UHRF2: variants seen among roughly 807,000 people sequenced by gnomAD.
UHRF2 encodes E3 ubiquitin-protein ligase UHRF2.
In UHRF2, 23 loss-of-function variants were observed where a neutral mutation model predicts 96.8. The ratio of observed to expected loss-of-function variants is 0.24; its 90% CI spans 0.17 to 0.34. The LOEUF is 0.34. Ranked by LOEUF, UHRF2 falls within the 10% of genes least tolerant of loss-of-function variation. UHRF2 has a pLI of 1.00. For synonymous variants in UHRF2, 385 were observed against 332.6 expected, an observed-to-expected ratio of 1.16 and a Z score of -1.72; for missense variants, 685 against 981.5, an observed-to-expected ratio of 0.70 and a Z score of 4.04.
chr9:6,472,301 A>G (rs1186018659), intron 4 of UHRF2, among the ~76,000 whole-genome samples: 1 of 152,240 alleles, frequency 6.6e-6, no homozygotes, highest in Non-Finnish European at 1.5e-5. Context: ...TTATCTTATG[A>G]AAATAAGCGA....
chr9:6,500,885 A>G (rs1178400017), intron 14 of UHRF2, among the ~76,000 whole-genome samples, 176 bp downstream of exon 14: 1 of 152,202 alleles, frequency 6.6e-6, no homozygotes, highest in Non-Finnish European at 1.5e-5. Context: ...ATGCGCCTAA[A>G]TTTACTTTAA....
chr9:6,478,820 G>A (rs1344055946), intron 6 of UHRF2, among the ~76,000 whole-genome samples: 3 of 152,100 alleles, frequency 2.0e-5, no homozygotes, highest in African/African-American at 7.2e-5. Flanking sequence ...AGAGAAAGGG[G>A]GAAAGGATAT....
At chr9:6,433,387 G>A (rs1428519323) in intron 2 of UHRF2, among the ~76,000 whole-genome samples, 2 of 152,128 alleles carry the variant, frequency 1.3e-5, no homozygotes, top group African/African-American at 4.8e-5. Flanking sequence ...ACTAGTGATC[G>A]AACTTCACCA....
intron 3 of UHRF2, among the ~76,000 whole-genome samples, chr9:6,454,448 G>A (rs972677922): frequency 2.0e-5 from 3 of 152,156 alleles, no homozygotes; most frequent in Admixed American, 6.5e-5. Flanking sequence ...TGGACTTAAG[G>A]CATAGAATGA....
intron 1 of UHRF2, 91 bp downstream of exon 1, chr9:6,413,734 C>T: frequency 1.5e-6 from 2 of 1,322,312 alleles, no homozygotes; most frequent in Non-Finnish European, 9.7e-7. Flanking sequence ...CTGTGCGCCG[C>T]GCGCGCAGGG....
At position 6,433,928 on chromosome 9, in the gene UHRF2, G is replaced by A. The variant is rs1404790349; in HGVS notation, c.399G>A (p.Val133=). The change falls in exon 3 of 16, where the codon GTG becomes GTA. Residue 133 remains valine, a synonymous_variant. Coordinates refer to ENST00000276893, the MANE Select transcript of UHRF2 (RefSeq NM_152896.3). Reference sequence around the variant, plus strand: ...ACTTTTTTTAGGTAAATGAATTGGTGGATGCCAGAGATGTCGGCCTTGGTG... The same window carrying A: ...ACTTTTTTTAGGTAAATGAATTGGTAGATGCCAGAGATGTCGGCCTTGGTG... The part of the protein sequence containing the change: ...GFGIYKVNEL[V]DARDVGLGAW... The A allele has an allele frequency of 6.2e-7, 1 of 1,605,788 alleles. No individual in the cohort carries two copies. Among genetic ancestry groups the A allele is most frequent in the Non-Finnish European group, 8.5e-7 (1 of 1,173,740 alleles).
Position 6,421,118 on chromosome 9 carries a change from T to C in UHRF2, c.360T>C (p.Ile120=). The C allele has an allele frequency of 6.2e-7, 1 of 1,613,950 alleles. No individual in the cohort carries two copies. The highest frequency in any genetic ancestry group is 8.5e-7 in the Non-Finnish European group (1 of 1,179,822). The change falls in exon 2 of 16, where the codon ATT becomes ATC. Residue 120 remains isoleucine, a synonymous_variant. Transcript: ENST00000276893. ...QPSTSARARL[I]DPGFGIYKVN... ...CTACATCAGCTCGTGCCCGTCTTAT[T>C]GATCCTGGCTTTGGAATATATAAGG...
chr9:6,485,791 C>G (rs967776521), intron 8 of UHRF2, among the ~76,000 whole-genome samples: 1 of 139,134 alleles, frequency 7.2e-6, no homozygotes, highest in Non-Finnish European at 1.5e-5. Context: ...TGGTGAGACC[C>G]CTGTCTCTAC....
Position 6,482,111 on chromosome 9 carries a change from CTT to C in UHRF2, c.1392+13_1392+14del. The C allele has an allele frequency of 6.2e-7, 1 of 1,609,126 alleles. No homozygotes were observed. On this transcript the variant is annotated intron_variant, in intron 8 of 15. Coordinates refer to ENST00000276893, the MANE Select transcript of UHRF2 (RefSeq NM_152896.3). ...GATTTAGAGTTCAGGTATGTTTTAA[CTT>C]GGGCTTAGTTGAAAGGGGAGAATTG...
At chr9:6,466,330 G>T (rs1822855130) in intron 4 of UHRF2, among the ~76,000 whole-genome samples, 1 of 152,168 alleles carries the variant, frequency 6.6e-6, no homozygotes, top group Admixed American at 6.5e-5. Context: ...CTGAAGTCAG[G>T]AGTTCTAGAC....
intron 10 of UHRF2, 102 bp downstream of exon 10, chr9:6,494,034 A>T (rs1824826087): frequency 1.0e-6 from 1 of 992,996 alleles, no homozygotes; most frequent in Admixed American, 2.7e-5. Flanking sequence ...TCAAACTGGG[A>T]GTTAAAGATC....
intron 2 of UHRF2, among the ~76,000 whole-genome samples, chr9:6,421,600 A>G (rs1819933068): frequency 6.6e-6 from 1 of 152,056 alleles, no homozygotes; most frequent in African/African-American, 2.4e-5. Context: ...TATTTTTAGT[A>G]GAAACAGGGT....
intron 9 of UHRF2, among the ~76,000 whole-genome samples, chr9:6,487,856 A>G (rs1182747718): frequency 1.3e-5 from 2 of 152,226 alleles, no homozygotes; most frequent in Admixed American, 6.5e-5. Flanking sequence ...TAAAAAATAA[A>G]AACTGGTTCC....
At chr9:6,434,207 A>G in intron 3 of UHRF2, 34 bp downstream of exon 3, 1 of 1,568,402 alleles carries the variant, frequency 6.4e-7, no homozygotes, top group South Asian at 1.2e-5. Context: ...CTTTATTCAT[A>G]TTTTCATTTG....
At chr9:6,479,728 A>C (rs1244835742) in intron 6 of UHRF2, among the ~76,000 whole-genome samples, 2 of 152,132 alleles carry the variant, frequency 1.3e-5, no homozygotes, top group African/African-American at 4.8e-5. Context: ...GTCTTCATTA[A>C]ATAGTACTAA....
intron 6 of UHRF2, 120 bp from the exon 7 acceptor site, chr9:6,481,523 C>T (rs1276569736): frequency 1.7e-6 from 2 of 1,169,386 alleles, no homozygotes; most frequent in Non-Finnish European, 2.4e-6. Flanking sequence ...AGTTAAAGCT[C>T]TGTAATGTAT....
At chr9:6,446,523 C>T (rs1009137674) in intron 3 of UHRF2, among the ~76,000 whole-genome samples, 1 of 151,854 alleles carries the variant, frequency 6.6e-6, no homozygotes, top group East Asian at 2.0e-4. Flanking sequence ...TGAAGTGATT[C>T]GTCTGCCTCA....
At chr9:6,420,301 C>T (rs565416956) in intron 1 of UHRF2, among the ~76,000 whole-genome samples, 1 of 151,912 alleles carries the variant, frequency 6.6e-6, no homozygotes, top group African/African-American at 2.4e-5. Context: ...GTCATCTGCT[C>T]TTTTCGGCCT....
At chr9:6,459,776 C>T (rs1312713519) in intron 3 of UHRF2, among the ~76,000 whole-genome samples, 3 of 152,208 alleles carry the variant, frequency 2.0e-5, no homozygotes, top group African/African-American at 7.2e-5. Context: ...AGTTCTAAAC[C>T]AGCGTCATGA....
Sources: gnomAD v4.1 joint callset for allele counts (sites outside exome capture counted in the v4.1 genomes callset) on GRCh38, gnomAD v4.1.1 for gene constraint, MANE v1.5 for transcripts, NCBI Gene and HGNC (gene_info 2026-07-23, HGNC 2026-07-21) for gene names.